BBS9: variants seen among roughly 807,000 people sequenced by gnomAD.
BBS9 encodes the protein protein PTHB1.
A neutral mutation model predicts 117.7 loss-of-function variants in BBS9; 89 were observed. The observed-to-expected ratio is 0.76, with a 90% confidence interval of 0.64 to 0.90. BBS9 has a LOEUF of 0.90. Ranked by LOEUF, BBS9 falls within the 40% of genes least tolerant of loss-of-function variation. The probability of loss-of-function intolerance (pLI) is 0.00; values close to 1 mark genes in which losing one functional copy is unlikely to be tolerated. For missense variants in BBS9, 982 were observed against 1,042.2 expected (o/e 0.94, Z 0.80); for synonymous variants, 379 against 370.9 (o/e 1.02, Z -0.25).
chr7:33,285,205 A>G (rs1275727243), intron 9 of BBS9, among the ~76,000 whole-genome samples: 2 of 152,278 alleles, frequency 1.3e-5, no homozygotes, highest in East Asian at 1.9e-4. Flanking sequence ...ATGTCTGTAC[A>G]GTTTTCTGGT....
intron 16 of BBS9, among the ~76,000 whole-genome samples, chr7:33,365,169 A>G (rs1372829262): frequency 6.7e-6 from 1 of 149,980 alleles, no homozygotes; most frequent in Non-Finnish European, 1.5e-5. Flanking sequence ...GTAGATGTCC[A>G]TTTCTTTGGG....
At chr7:33,620,146 A>G (rs957735000) in intron 21 of BBS9, among the ~76,000 whole-genome samples, 8 of 152,040 alleles carry the variant, frequency 5.3e-5, no homozygotes, top group Non-Finnish European at 1.2e-4. Context: ...GGAGGAAGAG[A>G]CATTACAACC....
chr7:33,322,356 CTTTTTTTTTTTT>C (rs35411730), intron 9 of BBS9, among the ~76,000 whole-genome samples: 15,362 of 75,408 alleles, frequency 0.2, 1,117 homozygotes, highest in South Asian at 0.39. Context: ...GGGTCTCAGG[CTTTTTTTTTTTT>C]TTTTTTTTTT....
intron 9 of BBS9, among the ~76,000 whole-genome samples, chr7:33,297,588 A>T (rs1200013187): frequency 6.6e-6 from 1 of 151,850 alleles, no homozygotes; most frequent in Non-Finnish European, 1.5e-5. Context: ...GAAGGAATAA[A>T]CTCTTTTTTT....
At chr7:33,501,364 G>C (rs1845415660) in intron 19 of BBS9, among the ~76,000 whole-genome samples, 1 of 152,190 alleles carries the variant, frequency 6.6e-6, no homozygotes, top group African/African-American at 2.4e-5. Flanking sequence ...AGTAGGTCAG[G>C]AAGATTTTCC....
chr7:33,572,239 T>C (rs1857924713), intron 21 of BBS9, among the ~76,000 whole-genome samples: 1 of 152,142 alleles, frequency 6.6e-6, no homozygotes, highest in African/African-American at 2.4e-5. Flanking sequence ...TAACGTAATG[T>C]CCTGTAGTTC....
intron 5 of BBS9, among the ~76,000 whole-genome samples, chr7:33,204,660 A>G (rs1428733324): frequency 6.6e-6 from 1 of 152,290 alleles, no homozygotes; most frequent in Admixed American, 6.5e-5. Context: ...CACGAAGTCC[A>G]ATCAGTTACC....
chr7:33,332,064 T>C (rs909335541), intron 9 of BBS9, among the ~76,000 whole-genome samples: 5 of 152,300 alleles, frequency 3.3e-5, no homozygotes, highest in Non-Finnish European at 5.9e-5. Context: ...ACTACAAGGC[T>C]GTAGTTACCC....
At chr7:33,332,088 G>C (rs1298714566) in intron 9 of BBS9, among the ~76,000 whole-genome samples, 1 of 152,094 alleles carries the variant, frequency 6.6e-6, no homozygotes, top group Non-Finnish European at 1.5e-5. Flanking sequence ...CAGCATGGTA[G>C]TGGTATAAAA....
At chr7:33,328,944 A>G (rs1247975498) in intron 9 of BBS9, among the ~76,000 whole-genome samples, 1 of 151,808 alleles carries the variant, frequency 6.6e-6, no homozygotes, top group Non-Finnish European at 1.5e-5. Context: ...GTCACTGGGA[A>G]TGGAAAATAG....
intron 5 of BBS9, among the ~76,000 whole-genome samples, chr7:33,233,187 A>G (rs1046053326): frequency 2.0e-5 from 3 of 152,184 alleles, no homozygotes; most frequent in South Asian, 2.1e-4. Flanking sequence ...TTGGGTGGCT[A>G]TTGGTGATGC....
rs191964657 is a variant in BBS9, at chr7:33,134,271, G to T, written c.-12+4230G>T. Reference sequence around the variant, plus strand: ...GTGGAGATGGGGTTTCACCATGTTGGCCAGGCTGGTCTCGAACTTCTGGCC... The same window carrying T: ...GTGGAGATGGGGTTTCACCATGTTGTCCAGGCTGGTCTCGAACTTCTGGCC... On this transcript the variant is annotated intron_variant, in intron 1 of 22. Transcript: ENST00000242067. Among the ~76,000 whole-genome samples, 4 of 147,594 alleles carry T rather than the reference G, an allele frequency of 2.7e-5. No individual in the cohort carries two copies. The East Asian group carries it at 8.0e-4, about 30-fold the overall frequency.
intron 5 of BBS9, among the ~76,000 whole-genome samples, chr7:33,245,559 C>A (rs117450782): frequency 2.6e-5 from 4 of 152,092 alleles, no homozygotes; most frequent in Non-Finnish European, 5.9e-5. Context: ...CTAGTGGATG[C>A]GAGGGACTAT....
At position 33,367,775 on chromosome 7, in the gene BBS9, A is replaced by G. The variant is rs1167467484; in HGVS notation, c.1702A>G (p.Ser568Gly). Reference protein sequence around the residue: ...SLLSLFPGFASQSDDDQVNVM... With the variant: ...SLLSLFPGFAGQSDDDQVNVM... ...CTCTCTTTTCTTTGTAGGTTTTGCCAGTCAGTCAGATGATGATCAGGTGAA... is the reference window on the plus strand; with the variant it reads ...CTCTCTTTTCTTTGTAGGTTTTGCCGGTCAGTCAGATGATGATCAGGTGAA... Residue 568 changes from serine to glycine, a missense_variant, in exon 17 of 23, where the codon AGT (serine) becomes GGT (glycine). Physicochemically the swap from Ser to Gly is moderately conservative, Grantham distance 56. Transcript: ENST00000242067. The G allele has an allele frequency of 6.2e-7, 1 of 1,613,822 alleles. No individual in the cohort carries two copies.
At chr7:33,372,113 A>T (rs921814723) in intron 17 of BBS9, among the ~76,000 whole-genome samples, 1 of 152,136 alleles carries the variant, frequency 6.6e-6, no homozygotes, top group South Asian at 2.1e-4. Context: ...GTTAAAAAAT[A>T]AAAGGGAAAA....
intron 21 of BBS9, among the ~76,000 whole-genome samples, chr7:33,557,101 C>T (rs1269530275): frequency 6.6e-6 from 1 of 152,102 alleles, no homozygotes; most frequent in Non-Finnish European, 1.5e-5. Context: ...CTTCAGGTCT[C>T]CTACAAATGC....
chr7:33,398,228 G>A (rs1381733185), intron 19 of BBS9, among the ~76,000 whole-genome samples: 1 of 152,062 alleles, frequency 6.6e-6, no homozygotes, highest in Non-Finnish European at 1.5e-5. Context: ...TTGAAAACTG[G>A]GTTGTAGTCA....
At chr7:33,439,655 A>C (rs944282618) in intron 19 of BBS9, among the ~76,000 whole-genome samples, 1 of 151,542 alleles carries the variant, frequency 6.6e-6, no homozygotes, top group Non-Finnish European at 1.5e-5. Context: ...CAGCTTCCCA[A>C]GTAGCTGGGA....
Position 33,425,109 on chromosome 7 carries a change from A to T in BBS9, c.2115+36965A>T, listed in dbSNP as rs77186337. 3.1e-3 allele frequency among the ~76,000 whole-genome samples: 477 copies of T among 152,220 alleles called. 4 individuals carry two copies. The highest frequency in any genetic ancestry group is 0.011 in the African/African-American group (456 of 41,542). On this transcript the variant is annotated intron_variant, in intron 19 of 22. Coordinates refer to ENST00000242067, the MANE Select transcript of BBS9 (RefSeq NM_198428.3). ...CTAATCTACAGTAAACACATAGAAG[A>T]GTATTGGGTTATTTTGATTCCTGTG...
Sources: allele counts gnomAD v4.1 joint callset (sites outside exome capture counted in the v4.1 genomes callset), GRCh38; gene constraint gnomAD v4.1.1; transcripts MANE v1.5; gene names NCBI Gene and HGNC (gene_info 2026-07-23, HGNC 2026-07-21).